The following NRG1 variants were observed in gnomAD, a reference collection of about 807,000 sequenced individuals.
NRG1 encodes the protein neuregulin 1.
A neutral mutation model predicts 63.8 loss-of-function variants in NRG1; 18 were observed. That is an observed-to-expected ratio of 0.28 (90% CI 0.19 to 0.42). The LOEUF (loss-of-function observed/expected upper bound fraction) is 0.42, where lower values mean the gene tolerates loss of function less well. Ranked by LOEUF, NRG1 falls within the 10% of genes least tolerant of loss-of-function variation. The pLI, the probability that NRG1 is intolerant of heterozygous loss-of-function variation, is 1.00. For missense variants in NRG1, 762 were observed against 814.7 expected (o/e 0.94, Z 0.79); for synonymous variants, 302 against 301.3 (o/e 1.00, Z -0.02).
At chr8:32,264,841 G>A (rs973667409) in intron 1 of NRG1, among the ~76,000 whole-genome samples, 2 of 152,040 alleles carry the variant, frequency 1.3e-5, no homozygotes, top group East Asian at 1.9e-4. Flanking sequence ...TGAAAGATAC[G>A]GTTTGGAAAG....
chr8:31,914,654 G>T (rs147854929), intron 1 of NRG1, among the ~76,000 whole-genome samples: 2 of 151,942 alleles, frequency 1.3e-5, no homozygotes, highest in African/African-American at 4.8e-5. Flanking sequence ...TTAAGTTCAC[G>T]TTTAGGAAAG....
chr8:32,013,958 T>C (rs1416323521), intron 1 of NRG1, among the ~76,000 whole-genome samples: 1 of 152,178 alleles, frequency 6.6e-6, no homozygotes, highest in Non-Finnish European at 1.5e-5. Flanking sequence ...GGAAAAATTG[T>C]GACCCTGTGA....
At position 32,651,102 on chromosome 8, in the gene NRG1, A is replaced by T. The variant is rs960571041; in HGVS notation, c.502+34217A>T. Among the ~76,000 whole-genome samples, 5 of 152,296 alleles carry T rather than the reference A, an allele frequency of 3.3e-5. 1 individual carries two copies. Among genetic ancestry groups the T allele is most frequent in the Admixed American group, 2.6e-4 (4 of 15,300 alleles). The stretch of plus-strand genomic sequence containing the variant: ...CTCCCTCACTGACTCTTGTCAAATT[A>T]CAACATTCTTTGTCTTTGTTATAAT... On this transcript the variant is annotated intron_variant, in intron 5 of 11. Coordinates refer to ENST00000356819, the Ensembl canonical transcript of NRG1.
intron 1 of NRG1, among the ~76,000 whole-genome samples, chr8:32,586,208 T>C (rs1285205563): frequency 6.7e-6 from 1 of 148,830 alleles, no homozygotes; most frequent in Non-Finnish European, 1.5e-5. Flanking sequence ...TACATTACAT[T>C]CTACTATATA....
At position 31,703,675 on chromosome 8, in the gene NRG1, G is replaced by A. The variant is rs951683370; in HGVS notation, c.37+64244G>A. On this transcript the variant is annotated intron_variant, in intron 1 of 10. Transcript: ENST00000519301. Reference sequence around the variant, plus strand: ...CCTCAAGTTTATGTCTATATTCCCAGGGGAGTACAAGAAACTGGTCTGTAG... The same window carrying A: ...CCTCAAGTTTATGTCTATATTCCCAAGGGAGTACAAGAAACTGGTCTGTAG... Among the ~76,000 whole-genome samples, 7 of 152,138 alleles carry A rather than the reference G, an allele frequency of 4.6e-5. No individual in the cohort carries two copies. In the East Asian group the frequency reaches 1.2e-3, roughly 25 times the overall value.
At chr8:32,748,912 T>A (rs1828108194) in intron 7 of NRG1, 1 of 261,918 alleles carries the variant, frequency 3.8e-6, no homozygotes, top group South Asian at 3.4e-5. Flanking sequence ...TTGCTTTCTG[T>A]GAATGAAACA....
intron 1 of NRG1, among the ~76,000 whole-genome samples, chr8:31,822,870 G>T (rs541123100): frequency 2.0e-5 from 3 of 152,104 alleles, no homozygotes; most frequent in African/African-American, 4.8e-5. Context: ...TTCAGGCAAG[G>T]TTTTGCCATC....
intron 1 of NRG1, among the ~76,000 whole-genome samples, chr8:31,746,426 G>T (rs1461752149): frequency 6.6e-6 from 1 of 151,982 alleles, no homozygotes; most frequent in Non-Finnish European, 1.5e-5. Flanking sequence ...TCACACTTTT[G>T]CAGTGTTTGC....
intron 1 of NRG1, among the ~76,000 whole-genome samples, chr8:32,445,547 A>G (rs1820130522): frequency 6.6e-6 from 1 of 152,194 alleles, no homozygotes; most frequent in Admixed American, 6.5e-5. Flanking sequence ...GTGAATGTGC[A>G]GTTCAAGGCC....
At chr8:32,246,876 TG>T (rs1349790685) in intron 1 of NRG1, among the ~76,000 whole-genome samples, 3 of 152,082 alleles carry the variant, frequency 2.0e-5, no homozygotes, top group Non-Finnish European at 4.4e-5. Context: ...AATCTGTTTT[TG>T]TTTTTTGAGT....
chr8:31,741,577 T>G (rs1330076462), intron 1 of NRG1, among the ~76,000 whole-genome samples: 1 of 151,932 alleles, frequency 6.6e-6, no homozygotes, highest in Non-Finnish European at 1.5e-5. Flanking sequence ...TCAAACGACA[T>G]TATTCAGAAA....
intron 1 of NRG1, among the ~76,000 whole-genome samples, chr8:31,739,128 A>G (rs1815001277): frequency 6.6e-6 from 1 of 152,064 alleles, no homozygotes; most frequent in African/African-American, 2.4e-5. Context: ...TACTAGTAGT[A>G]TTTCTGGCTC....
chr8:32,403,109 G>A (rs1206710989), intron 1 of NRG1, among the ~76,000 whole-genome samples: 3 of 152,032 alleles, frequency 2.0e-5, no homozygotes, highest in Non-Finnish European at 4.4e-5. Context: ...GACCAGCCTG[G>A]GCAAGATGGT....
chr8:32,674,366 T>C (rs1226812493), intron 5 of NRG1, among the ~76,000 whole-genome samples: 1 of 152,248 alleles, frequency 6.6e-6, no homozygotes, highest in Non-Finnish European at 1.5e-5. Flanking sequence ...CTCACCTGAA[T>C]CTTTCCTCAC....
chr8:32,499,975 G>A (rs1827667515), intron 1 of NRG1, among the ~76,000 whole-genome samples: 1 of 152,140 alleles, frequency 6.6e-6, no homozygotes, highest in African/African-American at 2.4e-5. Context: ...GTTTATAAAG[G>A]GGGGAAATAT....
At chr8:32,536,648 C>A (rs779903412) in intron 1 of NRG1, among the ~76,000 whole-genome samples, 2 of 151,974 alleles carry the variant, frequency 1.3e-5, no homozygotes, top group East Asian at 3.9e-4. Context: ...TTGGGCCGAG[C>A]GCGGTGGCTC....
chr8:32,528,128 C>A (rs1831069762), intron 1 of NRG1, among the ~76,000 whole-genome samples: 2 of 152,192 alleles, frequency 1.3e-5, no homozygotes, highest in Admixed American at 1.3e-4. Context: ...TCCTTAAATA[C>A]CACCTCTTTG....
At chr8:31,733,148 G>GTT (rs10673288) in intron 1 of NRG1, among the ~76,000 whole-genome samples, 1,683 of 143,998 alleles carry the variant, frequency 0.012, 19 homozygotes, top group African/African-American at 0.025. Flanking sequence ...ACTTTATTCT[G>GTT]TTTTTTTTTT....
chr8:32,149,138 C>G lies in NRG1; in HGVS notation c.38-446690C>G, dbSNP rs146514317. 3.1e-3 allele frequency among the ~76,000 whole-genome samples: 475 copies of G among 152,248 alleles called. 1 individual carries two copies. Among genetic ancestry groups the G allele is most frequent in the South Asian group, 0.023 (113 of 4,818 alleles). On this transcript the variant is annotated intron_variant, in intron 1 of 10. Transcript: ENST00000519301. Reference sequence around the variant, plus strand: ...ACTAATGAAATTTTTCCTGCTTCTCCAAAAGATAATTTTAGTCACTCTGTT... The same window carrying G: ...ACTAATGAAATTTTTCCTGCTTCTCGAAAAGATAATTTTAGTCACTCTGTT...
Sources: allele counts gnomAD v4.1 joint callset (sites outside exome capture counted in the v4.1 genomes callset), GRCh38; gene constraint gnomAD v4.1.1; transcripts MANE v1.5; gene names NCBI Gene and HGNC (gene_info 2026-07-23, HGNC 2026-07-21).